The following SHCBP1L variants were observed in gnomAD, a reference collection of about 807,000 sequenced individuals.
SHCBP1L encodes the protein testicular spindle-associated protein SHCBP1L.
Under a neutral mutation model 62.5 loss-of-function variants are expected in SHCBP1L, and 67 were observed. The observed-to-expected ratio is 1.07, with a 90% CI of 0.88 to 1.31. The LOEUF (loss-of-function observed/expected upper bound fraction) is 1.31, where lower values mean the gene tolerates loss of function less well. SHCBP1L is among the 40% of genes most tolerant of loss of function. The probability of loss-of-function intolerance (pLI) is 0.00; values close to 1 mark genes in which losing one functional copy is unlikely to be tolerated. For missense variants in SHCBP1L, 823 were observed against 809.8 expected, an observed-to-expected ratio of 1.02 and a Z score of -0.20; for synonymous variants, 284 against 289.4, an observed-to-expected ratio of 0.98 and a Z score of 0.19.
intron 6 of SHCBP1L, among the ~76,000 whole-genome samples, chr1:182,910,776 A>G (rs1395510276): frequency 1.3e-5 from 2 of 152,188 alleles, no homozygotes; most frequent in Non-Finnish European, 2.9e-5. Flanking sequence ...AGCTAATACA[A>G]AGTTTTAGGC....
intron 6 of SHCBP1L, among the ~76,000 whole-genome samples, chr1:182,927,556 C>A (rs1650813386): frequency 6.6e-6 from 1 of 151,330 alleles, no homozygotes; most frequent in Admixed American, 6.6e-5. Context: ...CCTGTAGTCC[C>A]AGCTACTCGG....
At chr1:182,938,082 T>G (rs1253503437) in intron 5 of SHCBP1L, among the ~76,000 whole-genome samples, 1 of 152,158 alleles carries the variant, frequency 6.6e-6, no homozygotes, top group East Asian at 1.9e-4. Flanking sequence ...TTTCCTTGTT[T>G]TTGTCCCCCG....
intron 8 of SHCBP1L, 73 bp from the exon 9 acceptor site, chr1:182,903,234 A>G: frequency 7.5e-7 from 1 of 1,333,812 alleles, no homozygotes. Context: ...TTTAGACTTG[A>G]AAATCGTAAT....
intron 9 of SHCBP1L, among the ~76,000 whole-genome samples, chr1:182,901,058 G>A (rs548491637): frequency 6.2e-4 from 94 of 152,288 alleles, no homozygotes; most frequent in Non-Finnish European, 1.0e-3. Flanking sequence ...ATAAGGTAAT[G>A]TGATAGCATG....
chr1:182,901,727 C>T (rs939374883), intron 9 of SHCBP1L, among the ~76,000 whole-genome samples: 3 of 152,198 alleles, frequency 2.0e-5, no homozygotes, highest in Admixed American at 2.0e-4. Context: ...AAATTCTCCA[C>T]TTCTAACAAA....
intron 2 of SHCBP1L, among the ~76,000 whole-genome samples, chr1:182,946,738 T>A (rs1349028401): frequency 6.6e-6 from 1 of 152,248 alleles, no homozygotes; most frequent in Non-Finnish European, 1.5e-5. Context: ...CTAGGTCTTT[T>A]GTTATAGTCC....
intron 2 of SHCBP1L, among the ~76,000 whole-genome samples, chr1:182,945,825 C>T (rs1039065845): frequency 6.6e-6 from 1 of 151,932 alleles, no homozygotes; most frequent in South Asian, 2.1e-4. Flanking sequence ...TTTGGGAGGC[C>T]GAGGTGGGAG....
intron 2 of SHCBP1L, among the ~76,000 whole-genome samples, chr1:182,944,074 T>G (rs1651468161): frequency 6.7e-6 from 1 of 150,178 alleles, no homozygotes; most frequent in African/African-American, 2.5e-5. Flanking sequence ...TGAGCCGAGA[T>G]CGCGCCACTG....
intron 6 of SHCBP1L, among the ~76,000 whole-genome samples, chr1:182,913,855 C>G (rs1314176657): frequency 6.6e-6 from 1 of 152,128 alleles, no homozygotes; most frequent in Non-Finnish European, 1.5e-5. Flanking sequence ...GTGCCACATG[C>G]CTGTGATACC....
intron 7 of SHCBP1L, among the ~76,000 whole-genome samples, 190 bp downstream of exon 7, chr1:182,905,306 T>A (rs1649976978): frequency 6.6e-6 from 1 of 152,214 alleles, no homozygotes; most frequent in African/African-American, 2.4e-5. Context: ...AAAAGTGCTT[T>A]GGGTAAAAAA....
intron 4 of SHCBP1L, 31 bp from the exon 5 acceptor site, chr1:182,939,425 AT>A (rs779298388): frequency 1.9e-6 from 3 of 1,608,434 alleles, no homozygotes; most frequent in Non-Finnish European, 2.5e-6. Context: ...TACAATGTTT[AT>A]TTTTTCTAAT....
chr1:182,906,091 C>T (rs1424963943), intron 6 of SHCBP1L, among the ~76,000 whole-genome samples: 1 of 152,088 alleles, frequency 6.6e-6, no homozygotes. Context: ...CACACCACCA[C>T]GTCTGGCTAA....
intron 2 of SHCBP1L, among the ~76,000 whole-genome samples, chr1:182,948,153 G>C: frequency 6.6e-6 from 1 of 152,308 alleles, no homozygotes; most frequent in East Asian, 1.9e-4. Context: ...GTTATACACG[G>C]ATTTTTGACT....
In SHCBP1L at chr1:182,930,393, G is replaced by A. The variant is rs537634963; in HGVS notation, c.1077-641C>T. 2.1e-4 allele frequency among the ~76,000 whole-genome samples: 31 copies of A among 151,166 alleles called. 1 individual carries two copies. In the East Asian group the frequency reaches 6.0e-3, roughly 29 times the overall value. ...ACAGAAAGTCAGATAAAAAGTTTCA[G>A]TATAACTGTTGGCTTTTATCATTAC... On this transcript the variant is annotated intron_variant, in intron 5 of 9. Transcript: ENST00000367547.
chr1:182,930,715 A>ATG, intron 5 of SHCBP1L, among the ~76,000 whole-genome samples: 1 of 99,448 alleles, frequency 1.0e-5, no homozygotes, highest in African/African-American at 4.1e-5. Flanking sequence ...ATATATATAT[A>ATG]TATATATATG....
intron 6 of SHCBP1L, among the ~76,000 whole-genome samples, chr1:182,916,222 A>G (rs896686119): frequency 7.2e-5 from 11 of 152,204 alleles, no homozygotes; most frequent in African/African-American, 2.7e-4. Context: ...AGGATGCAGG[A>G]AAAACAGAGC....
Position 182,942,464 on chromosome 1 carries a change from C to G in SHCBP1L, c.556-1921G>C. The G allele has an allele frequency of 3.0e-6, 2 of 666,572 alleles. 1 individual carries two copies. The highest frequency in any genetic ancestry group is 5.6e-5 in the East Asian group (2 of 35,936). The allele number at this position is 666,572 out of a possible 1,614,324, so 41.3% of individuals were successfully genotyped here. A position where few individuals can be genotyped will look rare whatever the true frequency, so the allele number is the denominator to read the frequency against. ...GGCCGTGGCGCGCCGAGAGCCTCCG[C>G]GAAACTGGGCTGCCTGGCCGCTGCC... On this transcript the variant is annotated intron_variant, in intron 2 of 9. Transcript: ENST00000367547.
At chr1:182,949,149 A>C (rs569372828) in intron 2 of SHCBP1L, among the ~76,000 whole-genome samples, 1 of 152,246 alleles carries the variant, frequency 6.6e-6, no homozygotes, top group South Asian at 2.1e-4. Context: ...AGTTTTATGG[A>C]GTATAGGGGC....
chr1:182,922,608 A>G (rs532486416), intron 6 of SHCBP1L, among the ~76,000 whole-genome samples: 2 of 152,202 alleles, frequency 1.3e-5, no homozygotes, highest in African/African-American at 2.4e-5. Context: ...AAATCATACA[A>G]TTACTTGGAA....
Sources: gnomAD v4.1 joint callset for allele counts (sites outside exome capture counted in the v4.1 genomes callset) on GRCh38, gnomAD v4.1.1 for gene constraint, MANE v1.5 for transcripts, NCBI Gene and HGNC (gene_info 2026-07-23, HGNC 2026-07-21) for gene names.